The following TATDN2 variants were observed in gnomAD, a reference collection of about 807,000 sequenced individuals.
TATDN2 encodes the protein 3'-5' RNA nuclease TATDN2.
A neutral mutation model predicts 60.3 loss-of-function variants in TATDN2; 44 were observed. That is an observed-to-expected ratio of 0.73 (90% CI 0.57 to 0.94). The LOEUF is 0.94. Among genes scored for constraint, TATDN2 ranks in the 40% least tolerant of loss-of-function variants. The probability of loss-of-function intolerance (pLI) is 0.00; values close to 1 mark genes in which losing one functional copy is unlikely to be tolerated. For missense variants in TATDN2, 997 were observed against 948.0 expected (o/e 1.05, Z -0.68); for synonymous variants, 399 against 355.8 (o/e 1.12, Z -1.37).
rs534440980 is a variant in TATDN2 at position 10,254,278 on chromosome 3, C to G, written c.414+4664C>G. ...AGTACCCAAGGGTCAGGGGAATGAG[C>G]GACTGACCATCAGGAAGGTCCTCAC... On this transcript the variant is annotated intron_variant, in intron 2 of 7. Transcript: ENST00000448281. Among the ~76,000 whole-genome samples the G allele has an allele frequency of 7.2e-5, 11 of 152,250 alleles. No homozygotes were observed. The South Asian group carries it at 2.1e-3, about 29-fold the overall frequency.
rs1349195142 is a variant in TATDN2 at position 10,248,472 on chromosome 3, C to A, written c.-602C>A. On this transcript the variant is annotated 5_prime_UTR_variant, in exon 1 of 8. It adds an upstream start codon to the 5' untranslated region. Transcript: ENST00000448281. ...GGCCCCGCCCCTGTCGCTCTCCGGCCTGCGGGCCGCAGGGCTCGTTCCGGA... is the reference window on the plus strand; with the variant it reads ...GGCCCCGCCCCTGTCGCTCTCCGGCATGCGGGCCGCAGGGCTCGTTCCGGA... The A allele has an allele frequency of 6.6e-6, 1 of 152,184 alleles. No individual in the cohort carries two copies. The highest frequency in any genetic ancestry group is 2.4e-5 in the African/African-American group (1 of 41,454). 9.4% of individuals were successfully genotyped at this position (152,184 alleles called of 1,614,324 possible).
chr3:10,270,548 G>C lies in TATDN2; in HGVS notation c.1366G>C (p.Glu456Gln). The change falls in exon 4 of 8, where the codon GAA becomes CAA. Residue 456 changes from glutamate (E) to glutamine (Q), a missense_variant. Transcript: ENST00000448281. Reference sequence around the variant, plus strand: ...ATTTCGCTTCTCCAGAAGCTCAGAAGAAAGAGAGGTGAAGGAGAAAAGAAC... The same window carrying C: ...ATTTCGCTTCTCCAGAAGCTCAGAACAAAGAGAGGTGAAGGAGAAAAGAAC... ...RSFRFSRSSE[E>Q]REVKEKRTFQ... 6.2e-7 allele frequency: 1 copy of C among 1,614,238 alleles called. No individual in the cohort carries two copies. Among genetic ancestry groups the C allele is most frequent in the Non-Finnish European group, 8.5e-7 (1 of 1,180,048 alleles).
intron 3 of TATDN2, among the ~76,000 whole-genome samples, chr3:10,264,867 C>T (rs1559462084): frequency 6.6e-6 from 1 of 151,742 alleles, no homozygotes; most frequent in Admixed American, 6.6e-5. Context: ...TTAGAAGGGA[C>T]GGGGTTTCAT....
intron 3 of TATDN2, among the ~76,000 whole-genome samples, chr3:10,265,968 A>G (rs1019718058): frequency 3.9e-5 from 6 of 152,106 alleles, no homozygotes; most frequent in Non-Finnish European, 8.8e-5. Flanking sequence ...GGGGTCCTGT[A>G]GTCTGGTTCT....
At chr3:10,250,458 G>C (rs972003816) in intron 2 of TATDN2, among the ~76,000 whole-genome samples, 1 of 151,932 alleles carries the variant, frequency 6.6e-6, no homozygotes, top group African/African-American at 2.4e-5. Flanking sequence ...GAGAAGTTCT[G>C]CCTGTGGAGG....
At chr3:10,265,059 T>TA (rs1265258081) in intron 3 of TATDN2, among the ~76,000 whole-genome samples, 3 of 138,050 alleles carry the variant, frequency 2.2e-5, no homozygotes, top group Non-Finnish European at 4.6e-5. Context: ...TTTTTTTTTT[T>TA]ATTGCTGCCA....
At chr3:10,271,592 C>G (rs1242877144) in intron 4 of TATDN2, among the ~76,000 whole-genome samples, 1 of 152,192 alleles carries the variant, frequency 6.6e-6, no homozygotes, top group Non-Finnish European at 1.5e-5. Context: ...GCATGAGCCA[C>G]TGCGCCTGGC....
rs774817252 is a variant in TATDN2, at chr3:10,278,355, G to T, written c.2038G>T (p.Ala680Ser). The T allele has an allele frequency of 6.2e-7, 1 of 1,614,222 alleles. No homozygotes were observed. Among genetic ancestry groups the T allele is most frequent in the South Asian group, 1.1e-5 (1 of 91,090 alleles). The change falls in exon 6 of 8, where the codon GCA (alanine) becomes TCA (serine). Residue 680 changes from alanine to serine, a missense_variant. Physicochemically the swap from Ala to Ser is moderately conservative, Grantham distance 99. Transcript: ENST00000448281. The surrounding 1 kb of genome is among the most constrained non-coding windows in gnomAD (Gnocchi z 4.7). ...YFPNMSVGFT[A>S]VLTYSSAWEA... ...TCCCAACATGTCTGTGGGCTTCACGGCAGTGCTGACATACTCCTCTGCCTG... is the reference window on the plus strand; with the variant it reads ...TCCCAACATGTCTGTGGGCTTCACGTCAGTGCTGACATACTCCTCTGCCTG...
intron 2 of TATDN2, 86 bp from the exon 3 acceptor site, chr3:10,260,051 C>T: frequency 6.9e-7 from 1 of 1,454,212 alleles, no homozygotes; most frequent in Non-Finnish European, 9.3e-7. Context: ...ACTGGTAGAA[C>T]CACCACTGAT....
intron 4 of TATDN2, among the ~76,000 whole-genome samples, chr3:10,273,976 T>C (rs1461521117): frequency 6.6e-6 from 1 of 152,176 alleles, no homozygotes; most frequent in African/African-American, 2.4e-5. Flanking sequence ...TAATTAATTA[T>C]TAAAGTAATA....
At chr3:10,271,610 G>GT (rs1290313211) in intron 4 of TATDN2, among the ~76,000 whole-genome samples, 2 of 151,066 alleles carry the variant, frequency 1.3e-5, no homozygotes, top group East Asian at 2.0e-4. Flanking sequence ...GGCCTGCATT[G>GT]TTTTTTTTAA....
In TATDN2 at chr3:10,278,987, G is replaced by A. The variant is rs1559465630; in HGVS notation, c.2248G>A (p.Ala750Thr). ...KDQPLSLTLAALRENTSRLYS... is the reference protein window; with the variant it reads ...KDQPLSLTLATLRENTSRLYS... ...TCAGCCACTCTCCCTCACCTTGGCT[G>A]CCTTGCGTGAGAACACCAGTCGCCT... Residue 750 changes from alanine to threonine, a missense_variant, in exon 7 of 8, where the codon GCC (alanine) becomes ACC (threonine). Ala to Thr is a moderately conservative substitution (Grantham distance 58). Transcript: ENST00000448281. This position sits in a 1 kb window ranked among gnomAD's most constrained non-coding sequence, Gnocchi z 4.7. The A allele has an allele frequency of 6.2e-7, 1 of 1,614,254 alleles. No individual in the cohort carries two copies. The highest frequency in any genetic ancestry group is 8.5e-7 in the Non-Finnish European group (1 of 1,180,034).
chr3:10,259,161 C>T (rs187845391), intron 2 of TATDN2, among the ~76,000 whole-genome samples: 122 of 152,040 alleles, frequency 8.0e-4, no homozygotes, highest in Admixed American at 2.8e-3. Context: ...CATGAGCCAC[C>T]GCGCCCCGTG....
At chr3:10,254,587 C>G (rs765060407) in intron 2 of TATDN2, among the ~76,000 whole-genome samples, 1 of 152,100 alleles carries the variant, frequency 6.6e-6, no homozygotes, top group African/African-American at 2.4e-5. Flanking sequence ...AAATGTGGAG[C>G]CCTGGAAGGG....
chr3:10,254,438 TTC>T (rs950152764), intron 2 of TATDN2, among the ~76,000 whole-genome samples: 132 of 152,332 alleles, frequency 8.7e-4, no homozygotes, highest in African/African-American at 2.8e-3. Flanking sequence ...TGGCCCTCCC[TTC>T]TCTCATCCGT....
At chr3:10,257,999 T>C (rs745593191) in intron 2 of TATDN2, among the ~76,000 whole-genome samples, 1 of 150,758 alleles carries the variant, frequency 6.6e-6, no homozygotes, top group Non-Finnish European at 1.5e-5. Context: ...TAGCTGGGAC[T>C]ACAGGCGCCC....
At position 10,278,774 on chromosome 3, in the gene TATDN2, T is replaced by C. The variant is rs2125182784; in HGVS notation, c.2146-111T>C. On this transcript the variant is annotated intron_variant, in intron 6 of 7. Transcript: ENST00000448281. The surrounding 1 kb of genome is among the most constrained non-coding windows in gnomAD (Gnocchi z 4.7). ...CTGCACCTGCAGGTAAAGGGGTCTC[T>C]ACAGGGCAGCCCCAAAGAGGTCCTT... The C allele has an allele frequency of 3.2e-6, 5 of 1,541,128 alleles. 2 individuals carry two copies. In the Admixed American group the frequency reaches 9.1e-5, roughly 28 times the overall value.
chr3:10,255,155 G>A (rs184593420), intron 2 of TATDN2, among the ~76,000 whole-genome samples: 24 of 151,418 alleles, frequency 1.6e-4, no homozygotes, highest in East Asian at 5.9e-4. Flanking sequence ...GACTACAGGC[G>A]TGCACCACCA....
chr3:10,258,658 C>A (rs975074038), intron 2 of TATDN2, among the ~76,000 whole-genome samples: 1 of 151,778 alleles, frequency 6.6e-6, no homozygotes, highest in Non-Finnish European at 1.5e-5. Flanking sequence ...TCAGTAGACA[C>A]AGTGTTTTGC....
Sources: allele counts gnomAD v4.1 joint callset (sites outside exome capture counted in the v4.1 genomes callset), GRCh38; gene constraint gnomAD v4.1.1; non-coding constraint Gnocchi (gnomAD v3.1); transcripts MANE v1.5; gene names NCBI Gene and HGNC (gene_info 2026-07-23, HGNC 2026-07-21).